NOX3: variants seen among roughly 807,000 people sequenced by gnomAD.
NOX3 encodes the protein NADPH oxidase 3, also known as NADPH oxidase catalytic subunit-like 3.
In NOX3, 74 loss-of-function variants were observed where a neutral mutation model predicts 76.7. The ratio of observed to expected loss-of-function variants is 0.96; its 90% CI spans 0.80 to 1.17. NOX3 has a LOEUF of 1.17. Ranked by LOEUF, NOX3 falls within the 50% of genes most tolerant of loss-of-function variation. NOX3 has a pLI of 0.00. For missense variants in NOX3, 695 were observed against 703.3 expected (o/e 0.99, Z 0.13); for synonymous variants, 263 against 261.1 (o/e 1.01, Z -0.07).
In NOX3 at chr6:155,446,488, G is replaced by A. The variant is rs116164597; in HGVS notation, c.341-3070C>T. Among the ~76,000 whole-genome samples the A allele has an allele frequency of 4.3e-3, 661 of 152,234 alleles. 1 individual carries two copies. Among genetic ancestry groups the A allele is most frequent in the African/African-American group, 0.015 (625 of 41,530 alleles). On this transcript the variant is annotated intron_variant, in intron 4 of 13. Coordinates refer to ENST00000159060, the MANE Select transcript of NOX3 (RefSeq NM_015718.3). ...CTGATTTAACCCTCCTCAGGTATCA[G>A]CCTTCTTCTCATTCGACAGACCAGT...
Position 155,455,137 on chromosome 6 carries a change from A to G in NOX3, c.49-8T>C. ...TATTCCCAGCCATGAGAGCTAGAGT[A>G]GAAAGGAAAGAGAACCAATGATTAC... On this transcript the variant is annotated splice_polypyrimidine_tract_variant and splice_region_variant and intron_variant, in intron 1 of 13. Coordinates refer to ENST00000159060, the MANE Select transcript of NOX3 (RefSeq NM_015718.3). 1 of 1,570,588 alleles carries G rather than the reference A, an allele frequency of 6.4e-7. No homozygotes were observed. Among genetic ancestry groups the G allele is most frequent in the South Asian group, 1.1e-5 (1 of 88,394 alleles).
At chr6:155,419,735 A>G (rs951731141) in intron 10 of NOX3, among the ~76,000 whole-genome samples, 11 of 152,164 alleles carry the variant, frequency 7.2e-5, no homozygotes, top group African/African-American at 2.7e-4. Flanking sequence ...TGACAATGGA[A>G]TGCTGAGAAA....
rs140961317 is a variant in NOX3, at chr6:155,429,001, C to A, written c.938G>T (p.Arg313Leu). ...CTGCCCTGGCGCCATTTTAAAGCCA[C>A]GCTTTTTCATGTGAAGTTCCAGGAC... is the stretch of plus-strand genomic sequence containing the variant. ...SGVLELHMKK[R>L]GFKMAPGQYI... is the part of the protein sequence containing the mutation. Residue 313 changes from arginine (R) to leucine (L), a missense_variant, in exon 9 of 14, where the codon CGT (arginine) becomes CTT (leucine). Transcript: ENST00000159060. 5.0e-6 allele frequency: 8 copies of A among 1,611,104 alleles called. 1 individual carries two copies. The South Asian group carries it at 7.7e-5, about 16-fold the overall frequency.
chr6:155,435,258 G>C (rs567007103), intron 7 of NOX3, among the ~76,000 whole-genome samples: 122 of 152,210 alleles, frequency 8.0e-4, no homozygotes, highest in African/African-American at 2.8e-3. Context: ...AGCAGGCCCT[G>C]GTCTGTATTC....
At chr6:155,444,176 G>C (rs759211492) in intron 4 of NOX3, among the ~76,000 whole-genome samples, 1 of 152,108 alleles carries the variant, frequency 6.6e-6, no homozygotes, top group Non-Finnish European at 1.5e-5. Flanking sequence ...CCAGTCTAAA[G>C]TTTCACTTTC....
In NOX3 at chr6:155,408,039, C is replaced by A. The variant is rs777251536; in HGVS notation, c.1456-785G>T. On this transcript the variant is annotated intron_variant, in intron 11 of 13. Coordinates refer to ENST00000159060, the MANE Select transcript of NOX3 (RefSeq NM_015718.3). ...TGTCACCCAGGCTGGAGTGCAGTGG[C>A]GTGATCTCGGTTCACTGCAATCTCC... Among the ~76,000 whole-genome samples the A allele has an allele frequency of 2.0e-5, 3 of 152,076 alleles. No individual in the cohort carries two copies. In the East Asian group the frequency reaches 5.8e-4, roughly 29 times the overall value.
intron 4 of NOX3, among the ~76,000 whole-genome samples, chr6:155,446,314 A>G (rs1311251492): frequency 6.6e-6 from 1 of 152,160 alleles, no homozygotes; most frequent in African/African-American, 2.4e-5. Context: ...TATTTGCTAA[A>G]TTGAACACAA....
chr6:155,414,954 T>C (rs1776605968), intron 10 of NOX3, among the ~76,000 whole-genome samples: 1 of 152,128 alleles, frequency 6.6e-6, no homozygotes, highest in Admixed American at 6.5e-5. Flanking sequence ...AGTGGATGCC[T>C]AGATGTTTTG....
chr6:155,416,993 C>T lies in NOX3; in HGVS notation c.1309-5633G>A, dbSNP rs559841383. Among the ~76,000 whole-genome samples the T allele has an allele frequency of 1.8e-4, 28 of 152,032 alleles. No homozygotes were observed. In the East Asian group the frequency reaches 4.7e-3, roughly 25 times the overall value. Reference sequence around the variant, plus strand: ...CTCCAACTCCTGGCCTCAGGTGTTCCGCCCACCTCGACCTCCCAAAATGCT... The same window carrying T: ...CTCCAACTCCTGGCCTCAGGTGTTCTGCCCACCTCGACCTCCCAAAATGCT... On this transcript the variant is annotated intron_variant, in intron 10 of 13. Transcript: ENST00000159060.
chr6:155,437,341 G>A (rs1357973012), intron 6 of NOX3, among the ~76,000 whole-genome samples: 1 of 152,144 alleles, frequency 6.6e-6, no homozygotes, highest in Admixed American at 6.5e-5. Context: ...TGAATGAAAT[G>A]CATTGATCTG....
intron 3 of NOX3, among the ~76,000 whole-genome samples, chr6:155,453,791 C>T (rs1777176836): frequency 6.6e-6 from 1 of 152,142 alleles, no homozygotes; most frequent in South Asian, 2.1e-4. Context: ...AGGTAATAGC[C>T]ATCATCCTCA....
chr6:155,431,150 C>T (rs1448797520), intron 7 of NOX3, among the ~76,000 whole-genome samples: 1 of 151,958 alleles, frequency 6.6e-6, no homozygotes, highest in Non-Finnish European at 1.5e-5. Context: ...AGATTAAACT[C>T]TTCTATATTG....
intron 12 of NOX3, 43 bp from the exon 13 acceptor site, chr6:155,397,005 G>C (rs746168465): frequency 6.4e-7 from 1 of 1,565,720 alleles, no homozygotes; most frequent in Non-Finnish European, 8.7e-7. Context: ...TCACCAGGAG[G>C]CAAGGCCAGC....
intron 12 of NOX3, among the ~76,000 whole-genome samples, chr6:155,399,730 C>CTT (rs66977431): frequency 6.8e-6 from 1 of 147,752 alleles, no homozygotes; most frequent in Non-Finnish European, 1.5e-5. Flanking sequence ...GGCAGCTTCC[C>CTT]TTTTTTTTTT....
intron 10 of NOX3, 61 bp downstream of exon 10, chr6:155,422,633 T>G: frequency 2.0e-6 from 3 of 1,491,950 alleles, no homozygotes; most frequent in Non-Finnish European, 2.8e-6. Context: ...CGGCAGATGA[T>G]AGATATAAGG....
intron 4 of NOX3, among the ~76,000 whole-genome samples, chr6:155,451,566 G>T (rs528202670): frequency 6.6e-6 from 1 of 152,208 alleles, no homozygotes; most frequent in South Asian, 2.1e-4. Flanking sequence ...ATGCCCAAAA[G>T]TTTAAGGAGA....
At position 155,429,619 on chromosome 6, in the gene NOX3, T is replaced by C. The variant is rs182163453; in HGVS notation, c.892-572A>G. Among the ~76,000 whole-genome samples, 30 of 152,340 alleles carry C rather than the reference T, an allele frequency of 2.0e-4. No individual in the cohort carries two copies. In the East Asian group the frequency reaches 5.8e-3, roughly 29 times the overall value. ...TCCTGACTCCGCTCTGAGTTTTAGATGTAGGGAAGCATTGGACAAGGTTTC... is the reference window on the plus strand; with the variant it reads ...TCCTGACTCCGCTCTGAGTTTTAGACGTAGGGAAGCATTGGACAAGGTTTC... On this transcript the variant is annotated intron_variant, in intron 8 of 13. Transcript: ENST00000159060.
At chr6:155,423,723 GTTC>G (rs1488365387) in intron 9 of NOX3, among the ~76,000 whole-genome samples, 1 of 149,500 alleles carries the variant, frequency 6.7e-6, no homozygotes, top group Non-Finnish European at 1.5e-5. Context: ...TCCAGTTTCT[GTTC>G]TTTTCTTTTT....
intron 12 of NOX3, 23 bp downstream of exon 12, chr6:155,407,107 A>G: frequency 1.2e-6 from 2 of 1,613,496 alleles, no homozygotes; most frequent in South Asian, 1.1e-5. Context: ...CCTGGCAGGG[A>G]GAGGAGCAAG....
Sources: gnomAD v4.1 joint callset for allele counts (sites outside exome capture counted in the v4.1 genomes callset) on GRCh38, gnomAD v4.1.1 for gene constraint, MANE v1.5 for transcripts, NCBI Gene and HGNC (gene_info 2026-07-23, HGNC 2026-07-21) for gene names.